BICC1: variants seen among roughly 807,000 people sequenced by gnomAD.
BICC1 encodes the protein protein bicaudal C homolog 1.
A neutral mutation model predicts 111.0 loss-of-function variants in BICC1; 43 were observed. That is an observed-to-expected ratio of 0.39 (90% CI 0.30 to 0.50). The LOEUF (loss-of-function observed/expected upper bound fraction) is 0.50. Ranked by LOEUF, BICC1 falls within the 20% of genes least tolerant of loss-of-function variation. The pLI, the probability that BICC1 is intolerant of heterozygous loss-of-function variation, is 0.88. For synonymous variants in BICC1, 467 were observed against 434.4 expected (o/e 1.07, Z -0.93); for missense variants, 1,091 against 1,203.2 (o/e 0.91, Z 1.38).
chr10:58,765,038 T>A (rs570046709), intron 3 of BICC1, among the ~76,000 whole-genome samples: 1 of 152,248 alleles, frequency 6.6e-6, no homozygotes, highest in African/African-American at 2.4e-5. Flanking sequence ...AATAATTAGT[T>A]GCTGCAGTTT....
At chr10:58,822,417 G>A (rs779853365) in intron 20 of BICC1, among the ~76,000 whole-genome samples, 1 of 152,058 alleles carries the variant, frequency 6.6e-6, no homozygotes, top group African/African-American at 2.4e-5. Flanking sequence ...TCTTTTGGGG[G>A]AGGTAAGATG....
intron 2 of BICC1, among the ~76,000 whole-genome samples, chr10:58,625,713 T>G (rs1416151225): frequency 1.3e-5 from 2 of 152,198 alleles, no homozygotes; most frequent in African/African-American, 4.8e-5. Context: ...GTTTTCAGAC[T>G]GGAAAATAGC....
chr10:58,535,985 T>G (rs574054866), intron 1 of BICC1, among the ~76,000 whole-genome samples: 5 of 146,478 alleles, frequency 3.4e-5, no homozygotes, highest in Admixed American at 1.4e-4. Context: ...AAAGACAAGG[T>G]CATTATACAA....
chr10:58,693,210 A>G (rs1275043381), intron 2 of BICC1, among the ~76,000 whole-genome samples: 2 of 152,188 alleles, frequency 1.3e-5, no homozygotes, highest in East Asian at 1.9e-4. Flanking sequence ...TTATGGCTGC[A>G]TAGTATTCCA....
chr10:58,656,050 A>G (rs1383566911), intron 2 of BICC1, among the ~76,000 whole-genome samples: 1 of 152,236 alleles, frequency 6.6e-6, no homozygotes, highest in Non-Finnish European at 1.5e-5. Flanking sequence ...CAGACTACCC[A>G]TCAGAGAATA....
At chr10:58,546,139 A>G (rs1043844241) in intron 1 of BICC1, among the ~76,000 whole-genome samples, 1 of 152,100 alleles carries the variant, frequency 6.6e-6, no homozygotes, top group South Asian at 2.1e-4. Context: ...AAATGCTGTT[A>G]TTTGTATTAG....
At chr10:58,767,658 T>G (rs989361948) in intron 3 of BICC1, among the ~76,000 whole-genome samples, 5 of 152,092 alleles carry the variant, frequency 3.3e-5, no homozygotes, top group African/African-American at 1.2e-4. Flanking sequence ...CAGGCTACAA[T>G]AAAACTCAGT....
At chr10:58,780,795 A>G (rs369582944) in intron 3 of BICC1, among the ~76,000 whole-genome samples, 26 of 152,350 alleles carry the variant, frequency 1.7e-4, no homozygotes, top group African/African-American at 5.0e-4. Flanking sequence ...AACATTCAGT[A>G]TTCTTACAAT....
chr10:58,537,739 C>T (rs554205437), intron 1 of BICC1, among the ~76,000 whole-genome samples: 156 of 151,574 alleles, frequency 1.0e-3, no homozygotes, highest in African/African-American at 3.7e-3. Context: ...AACCCTGACT[C>T]CTCCAAAGAA....
intron 3 of BICC1, among the ~76,000 whole-genome samples, chr10:58,755,562 A>G (rs950870670): frequency 1.3e-5 from 2 of 152,220 alleles, no homozygotes; most frequent in African/African-American, 4.8e-5. Context: ...TGAAATCTTC[A>G]GAAAAAGTTG....
intron 2 of BICC1, among the ~76,000 whole-genome samples, chr10:58,621,624 G>A (rs943043729): frequency 6.6e-6 from 1 of 152,084 alleles, no homozygotes; most frequent in African/African-American, 2.4e-5. Context: ...ACCAGCCTGG[G>A]GCAGGGCATG....
At chr10:58,541,174 A>G (rs1016268848) in intron 1 of BICC1, among the ~76,000 whole-genome samples, 2 of 152,082 alleles carry the variant, frequency 1.3e-5, no homozygotes, top group Admixed American at 6.6e-5. Context: ...CACCACTTCT[A>G]TTCAACATTG....
intron 2 of BICC1, among the ~76,000 whole-genome samples, chr10:58,663,566 C>T (rs1317121681): frequency 6.6e-6 from 1 of 152,158 alleles, no homozygotes; most frequent in Non-Finnish European, 1.5e-5. Context: ...AGCATTACTG[C>T]CTGAGCTCCC....
At chr10:58,763,069 T>C (rs1357555959) in intron 3 of BICC1, among the ~76,000 whole-genome samples, 1 of 152,058 alleles carries the variant, frequency 6.6e-6, no homozygotes, top group East Asian at 1.9e-4. Context: ...AAAAAAACAC[T>C]GAGTTTTGAA....
At chr10:58,565,731 G>C (rs1021003802) in intron 1 of BICC1, among the ~76,000 whole-genome samples, 1 of 152,188 alleles carries the variant, frequency 6.6e-6, no homozygotes, top group Non-Finnish European at 1.5e-5. Context: ...TATGAAGGAA[G>C]GGGTAGAAGA....
chr10:58,819,719 C>T (rs1437928830), intron 19 of BICC1, among the ~76,000 whole-genome samples: 4 of 152,266 alleles, frequency 2.6e-5, no homozygotes, highest in South Asian at 2.1e-4. Flanking sequence ...GAGTCAGGAT[C>T]GAACCCAAGT....
intron 3 of BICC1, among the ~76,000 whole-genome samples, chr10:58,737,858 A>C (rs922152925): frequency 4.6e-5 from 7 of 151,944 alleles, no homozygotes; most frequent in Non-Finnish European, 1.0e-4. Flanking sequence ...GCATTTTTTC[A>C]TGTGTCTTTT....
intron 2 of BICC1, among the ~76,000 whole-genome samples, chr10:58,621,669 G>A (rs904153679): frequency 6.6e-6 from 1 of 152,040 alleles, no homozygotes; most frequent in Non-Finnish European, 1.5e-5. Flanking sequence ...GCTTTGGGAA[G>A]CTGAGGCAGG....
At chr10:58,636,708 C>T (rs1384992655) in intron 2 of BICC1, among the ~76,000 whole-genome samples, 2 of 152,076 alleles carry the variant, frequency 1.3e-5, no homozygotes, top group Non-Finnish European at 2.9e-5. Context: ...GAACTAGGAG[C>T]CATGAGTTCT....
Sources: gnomAD v4.1 joint callset for allele counts (sites outside exome capture counted in the v4.1 genomes callset) on GRCh38, gnomAD v4.1.1 for gene constraint, MANE v1.5 for transcripts, NCBI Gene and HGNC (gene_info 2026-07-23, HGNC 2026-07-21) for gene names.